Variants in PLCL2 observed in about 807,000 individuals in gnomAD.
The protein encoded by PLCL2 is phospholipase C like 2.
In PLCL2, 4 loss-of-function variants were observed where a neutral mutation model predicts 79.6. The observed-to-expected ratio is 0.05, with a 90% CI of 0.02 to 0.11. PLCL2 has a LOEUF of 0.11. Ranked by LOEUF, PLCL2 falls within the 10% of genes least tolerant of loss-of-function variation. The pLI, the probability that PLCL2 is intolerant of heterozygous loss-of-function variation, is 1.00. For missense variants in PLCL2, 895 were observed against 1,291.0 expected (o/e 0.69, Z 4.70); for synonymous variants, 484 against 457.7 (o/e 1.06, Z -0.73).
intron 1 of PLCL2, among the ~76,000 whole-genome samples, chr3:16,961,530 G>A (rs1260768889): frequency 6.6e-6 from 1 of 152,182 alleles, no homozygotes; most frequent in Non-Finnish European, 1.5e-5. Context: ...TGAGGGAGAT[G>A]ATAAAGATTC....
At chr3:17,046,683 G>A (rs952278251) in intron 4 of PLCL2, among the ~76,000 whole-genome samples, 27 of 152,228 alleles carry the variant, frequency 1.8e-4, no homozygotes, top group Admixed American at 1.2e-3. Flanking sequence ...CAAAGAAATC[G>A]GGAGCAACAA....
chr3:16,975,373 G>T (rs2063914904), intron 1 of PLCL2, among the ~76,000 whole-genome samples: 1 of 152,128 alleles, frequency 6.6e-6, no homozygotes, highest in Admixed American at 6.5e-5. Flanking sequence ...TCAGGCCATT[G>T]CTCTTTTAGT....
chr3:16,959,183 C>G (rs1322289038), intron 1 of PLCL2, among the ~76,000 whole-genome samples: 2 of 152,158 alleles, frequency 1.3e-5, no homozygotes, highest in South Asian at 2.1e-4. Context: ...CTGCCATACA[C>G]CCAGGCTTCC....
intron 1 of PLCL2, among the ~76,000 whole-genome samples, chr3:16,972,387 T>G (rs1017364255): frequency 3.9e-5 from 6 of 152,178 alleles, no homozygotes; most frequent in Admixed American, 3.9e-4. Context: ...TTTTCTGAAT[T>G]TGCTGAAGTT....
At chr3:16,990,604 G>A (rs1575574417) in intron 1 of PLCL2, among the ~76,000 whole-genome samples, 2 of 152,244 alleles carry the variant, frequency 1.3e-5, no homozygotes, top group African/African-American at 2.4e-5. Flanking sequence ...AGTAAGACTC[G>A]AGGACTTGTA....
intron 1 of PLCL2, among the ~76,000 whole-genome samples, chr3:16,910,120 A>G (rs77171944): frequency 0.012 from 1,780 of 152,306 alleles, 19 homozygotes; most frequent in Middle Eastern, 0.02. Context: ...TATTCCCATC[A>G]GCATCAAACA....
chr3:17,010,199 G>A lies in PLCL2; in HGVS notation c.853G>A (p.Gly285Arg). The A allele has an allele frequency of 6.2e-7, 1 of 1,613,998 alleles. No individual in the cohort carries two copies. Among genetic ancestry groups the A allele is most frequent in the Non-Finnish European group, 8.5e-7 (1 of 1,179,926 alleles). ...MFSEIDVDNL[G>R]HITLCNAVQC... is the part of the protein sequence containing the mutation. ...TAGTGAAATTGATGTAGATAACCTT[G>A]GACATATAACTCTGTGTAATGCTGT... is the stretch of plus-strand genomic sequence containing the variant. Residue 285 changes from glycine to arginine, a missense_variant, in exon 2 of 6, where the codon GGA (glycine) becomes AGA (arginine). By Grantham distance (125) the Gly-to-Arg change is moderately radical. This residue lies in a region of PLCL2 where 93 missense variants were observed against 93.2 expected (regional missense o/e 1.00). Coordinates refer to ENST00000615277, the MANE Select transcript of PLCL2 (RefSeq NM_001144382.2). The surrounding 1 kb of genome is among the most constrained non-coding windows in gnomAD (Gnocchi z 5.8).
At chr3:17,078,832 A>AT (rs540200069) in intron 5 of PLCL2, among the ~76,000 whole-genome samples, 61 of 152,162 alleles carry the variant, frequency 4.0e-4, no homozygotes, top group Non-Finnish European at 4.3e-4. Flanking sequence ...TCTTTTAGTT[A>AT]TTTTTATTTA....
chr3:16,947,343 C>T (rs141920990), intron 1 of PLCL2, among the ~76,000 whole-genome samples: 44 of 152,288 alleles, frequency 2.9e-4, no homozygotes, highest in African/African-American at 1.0e-3. Flanking sequence ...TAAACTCTTA[C>T]AGTTGTGAGA....
intron 5 of PLCL2, among the ~76,000 whole-genome samples, chr3:17,075,490 G>C (rs560211123): frequency 8.1e-5 from 12 of 149,022 alleles, no homozygotes; most frequent in African/African-American, 3.0e-4. Flanking sequence ...CATGCTGTTG[G>C]AAAAATGACA....
chr3:16,910,180 C>G (rs1238207871), intron 1 of PLCL2, among the ~76,000 whole-genome samples: 1 of 152,226 alleles, frequency 6.6e-6, no homozygotes, highest in Non-Finnish European at 1.5e-5. Context: ...CTGCTGGCTA[C>G]TGCACAATTT....
At chr3:17,053,437 G>T (rs1362975690) in intron 4 of PLCL2, among the ~76,000 whole-genome samples, 2 of 152,144 alleles carry the variant, frequency 1.3e-5, no homozygotes, top group Non-Finnish European at 2.9e-5. Context: ...CCCACCTCTA[G>T]CACTGGGGGT....
intron 1 of PLCL2, among the ~76,000 whole-genome samples, chr3:16,954,694 TC>T (rs2063686998): frequency 2.0e-5 from 3 of 151,894 alleles, no homozygotes; most frequent in Admixed American, 2.0e-4. Context: ...ACCTGTTGTT[TC>T]CTGACTTTTT....
rs111979614 is a variant in PLCL2 at position 16,935,542 on chromosome 3, G to A, written c.327+50176G>A. ...GGTCTTTAATTCATCCGGAATTTTC[G>A]GATATGTGTTGTAGGAATCTATCTC... On this transcript the variant is annotated intron_variant, in intron 1 of 5. Transcript: ENST00000615277. Among the ~76,000 whole-genome samples the A allele has an allele frequency of 7.4e-4, 113 of 151,934 alleles. 1 individual carries two copies. Among genetic ancestry groups the A allele is most frequent in the Middle Eastern group, 6.8e-3 (2 of 294 alleles).
intron 1 of PLCL2, among the ~76,000 whole-genome samples, chr3:16,950,066 G>A (rs77145180): frequency 0.099 from 15,028 of 152,070 alleles, 951 homozygotes; most frequent in Non-Finnish European, 0.14. Context: ...AAGGTTTTTC[G>A]ATATCTGGTA....
intron 1 of PLCL2, among the ~76,000 whole-genome samples, chr3:16,927,098 A>AT (rs1214441266): frequency 2.0e-5 from 3 of 152,094 alleles, no homozygotes; most frequent in East Asian, 1.9e-4. Flanking sequence ...ACACAGACTA[A>AT]TTTTTTTTAT....
chr3:16,940,448 G>A (rs1365923997), intron 1 of PLCL2, among the ~76,000 whole-genome samples: 1 of 152,102 alleles, frequency 6.6e-6, no homozygotes, highest in Non-Finnish European at 1.5e-5. Flanking sequence ...GTTGTAAACT[G>A]AGCTATTTTA....
chr3:17,052,549 A>G (rs1036822072), intron 4 of PLCL2, among the ~76,000 whole-genome samples: 1 of 152,200 alleles, frequency 6.6e-6, no homozygotes, highest in Non-Finnish European at 1.5e-5. Context: ...CTGGTACTGT[A>G]TGGAAGCATT....
rs60712196 is a variant in PLCL2 at position 17,039,055 on chromosome 3, A to G, written c.3019-3819A>G. ...CATAATTACTCACCTCACATGGATA[A>G]TGTGATCAGTAAATAAAATAGAAAG... is the stretch of plus-strand genomic sequence containing the variant. On this transcript the variant is annotated intron_variant, in intron 3 of 5. Coordinates refer to ENST00000615277, the MANE Select transcript of PLCL2 (RefSeq NM_001144382.2). Among the ~76,000 whole-genome samples, 618 of 152,362 alleles carry G rather than the reference A, an allele frequency of 4.1e-3. 6 individuals carry two copies. The highest frequency in any genetic ancestry group is 0.014 in the African/African-American group (585 of 41,582).
Sources: allele counts gnomAD v4.1 joint callset (sites outside exome capture counted in the v4.1 genomes callset), GRCh38; gene constraint gnomAD v4.1.1; regional missense constraint gnomAD v4.1.1; non-coding constraint Gnocchi (gnomAD v3.1); transcripts MANE v1.5; gene names NCBI Gene and HGNC (gene_info 2026-07-23, HGNC 2026-07-21).